Variants in SGCZ observed in about 807,000 individuals in gnomAD.
The protein encoded by SGCZ is sarcoglycan zeta.
In SGCZ, 40 loss-of-function variants were observed where a neutral mutation model predicts 41.3. The ratio of observed to expected loss-of-function variants is 0.97; its 90% CI spans 0.75 to 1.26. The LOEUF is 1.26. Ranked by LOEUF, SGCZ falls within the 50% of genes most tolerant of loss-of-function variation. The pLI is 0.00. For missense variants in SGCZ, 552 were observed against 369.8 expected (o/e 1.49, Z -4.04); for synonymous variants, 206 against 137.5 (o/e 1.50, Z -3.49).
At chr8:14,775,163 C>A (rs1310023694) in intron 1 of SGCZ, among the ~76,000 whole-genome samples, 2 of 152,158 alleles carry the variant, frequency 1.3e-5, no homozygotes, top group Admixed American at 1.3e-4. Flanking sequence ...TCAAACATTA[C>A]ATTACTGTGT....
chr8:14,186,998 T>C (rs1481676271), intron 4 of SGCZ, among the ~76,000 whole-genome samples: 1 of 152,136 alleles, frequency 6.6e-6, no homozygotes, highest in Non-Finnish European at 1.5e-5. Flanking sequence ...TTGAAAACAA[T>C]TGATAAACTC....
intron 1 of SGCZ, among the ~76,000 whole-genome samples, chr8:14,804,382 A>G (rs2130514230): frequency 7.7e-6 from 1 of 130,142 alleles, no homozygotes; most frequent in South Asian, 3.0e-4. Context: ...AGAAGTGCTT[A>G]AAGGAGCTGA....
rs146146092 is a variant in SGCZ, at chr8:14,364,164, A to G, written c.235-39960T>C. 9.6e-3 allele frequency among the ~76,000 whole-genome samples: 1,466 copies of G among 152,310 alleles called. 19 individuals carry two copies. The highest frequency in any genetic ancestry group is 0.021 in the African/African-American group (893 of 41,584). ...TATTTCTATGAAAATCCTATTTTTA[A>G]CACTAGTTGTTGAGATCATTCAATA... is the stretch of plus-strand genomic sequence containing the variant. On this transcript the variant is annotated intron_variant, in intron 2 of 7. Transcript: ENST00000382080.
At chr8:14,348,575 G>A (rs569684777) in intron 2 of SGCZ, among the ~76,000 whole-genome samples, 55 of 152,110 alleles carry the variant, frequency 3.6e-4, no homozygotes, top group African/African-American at 1.1e-3. Context: ...AGTGCCAGCC[G>A]AATGCTGGCA....
chr8:15,017,537 T>C (rs1803083176), intron 1 of SGCZ, among the ~76,000 whole-genome samples: 1 of 152,314 alleles, frequency 6.6e-6, no homozygotes, highest in Middle Eastern at 3.4e-3. Context: ...GGTCTTACTC[T>C]GTCACCCAGG....
At chr8:14,091,342 G>T (rs1366036494) in intron 7 of SGCZ, among the ~76,000 whole-genome samples, 1 of 151,784 alleles carries the variant, frequency 6.6e-6, no homozygotes, top group Non-Finnish European at 1.5e-5. Flanking sequence ...AATCCTTTGG[G>T]TATATACCCA....
At chr8:14,708,841 A>T (rs1490084913) in intron 1 of SGCZ, among the ~76,000 whole-genome samples, 1 of 65,080 alleles carries the variant, frequency 1.5e-5, no homozygotes, top group African/African-American at 6.5e-5. Context: ...GTGTGTGTGT[A>T]TTCAGCTTTA....
At chr8:14,213,746 T>G (rs982024852) in intron 4 of SGCZ, among the ~76,000 whole-genome samples, 2 of 152,086 alleles carry the variant, frequency 1.3e-5, no homozygotes, top group Non-Finnish European at 2.9e-5. Context: ...ATAAAATACT[T>G]AAGACTTAAA....
At position 14,090,511 on chromosome 8, in the gene SGCZ, G is replaced by C. The variant is rs371636241; in HGVS notation, c.871C>G (p.Leu291Val). 3 of 1,613,076 alleles carry C rather than the reference G, an allele frequency of 1.9e-6. No individual in the cohort carries two copies. The Admixed American group carries it at 5.0e-5, about 27-fold the overall frequency. Residue 291 changes from leucine to valine, a missense_variant, in exon 8 of 8, where the codon CTT (leucine) becomes GTT (valine). Coordinates refer to ENST00000382080, the MANE Select transcript of SGCZ (RefSeq NM_139167.4). ...CCTACTCCTGCTGGAGAAAGGTAAA[G>C]TTTGCCATTGGGGCAGACGCAGAGT... ...YELCVCPNGK[L>V]YLSPAGVGST...
intron 1 of SGCZ, among the ~76,000 whole-genome samples, chr8:14,904,510 C>G (rs570147659): frequency 6.6e-6 from 1 of 152,038 alleles, no homozygotes; most frequent in Non-Finnish European, 1.5e-5. Context: ...AAACTAGAAG[C>G]ATTTTACCTT....
At chr8:14,376,047 C>G (rs1031619860) in intron 2 of SGCZ, among the ~76,000 whole-genome samples, 1 of 152,194 alleles carries the variant, frequency 6.6e-6, no homozygotes, top group Admixed American at 6.5e-5. Context: ...GGCGAGGTGG[C>G]TCATGCCGGT....
In SGCZ at chr8:14,178,297, T is replaced by C. The variant is rs563981332; in HGVS notation, c.425-13595A>G. Among the ~76,000 whole-genome samples the C allele has an allele frequency of 3.3e-4, 50 of 152,320 alleles. 1 individual carries two copies. Among genetic ancestry groups the C allele is most frequent in the African/African-American group, 1.2e-3 (49 of 41,564 alleles). ...CAGTTCAGTCAGTTCTAGCTAAATG[T>C]AAATATTGAAACCATTTGAAGCTAA... On this transcript the variant is annotated intron_variant, in intron 4 of 7. Transcript: ENST00000382080.
intron 1 of SGCZ, among the ~76,000 whole-genome samples, chr8:14,606,195 T>C (rs1397279): frequency 0.32 from 49,207 of 152,006 alleles, 8,411 homozygotes; most frequent in East Asian, 0.62. Flanking sequence ...TTGTACATAT[T>C]GCCCCATGAC....
At chr8:14,162,612 T>A (rs1214229420) in intron 5 of SGCZ, 1 of 152,290 alleles carries the variant, frequency 6.6e-6, no homozygotes, top group Non-Finnish European at 1.5e-5. Flanking sequence ...GTACCCTCCG[T>A]ACGTGCCTCC....
At chr8:15,195,934 G>T (rs1323948407) in intron 1 of SGCZ, among the ~76,000 whole-genome samples, 1 of 97,132 alleles carries the variant, frequency 1.0e-5, no homozygotes, top group Non-Finnish European at 1.9e-5. Context: ...GTCTCGCTCT[G>T]TCGCCCAGGC....
intron 2 of SGCZ, among the ~76,000 whole-genome samples, chr8:14,353,590 C>G (rs998673178): frequency 9.9e-5 from 15 of 151,968 alleles, no homozygotes; most frequent in Non-Finnish European, 2.1e-4. Flanking sequence ...TGAGACTTAC[C>G]CTTGATGTCT....
chr8:14,207,310 A>G (rs1805647883), intron 4 of SGCZ, among the ~76,000 whole-genome samples: 1 of 152,230 alleles, frequency 6.6e-6, no homozygotes, highest in Non-Finnish European at 1.5e-5. Context: ...GATAAGATAA[A>G]TTAGAAGTAA....
intron 1 of SGCZ, among the ~76,000 whole-genome samples, chr8:14,867,662 C>T (rs1803982787): frequency 6.6e-6 from 1 of 152,002 alleles, no homozygotes; most frequent in Non-Finnish European, 1.5e-5. Flanking sequence ...CAAACTAACA[C>T]AGGAACAGAA....
intron 1 of SGCZ, among the ~76,000 whole-genome samples, chr8:14,639,708 G>T (rs893935295): frequency 2.0e-5 from 3 of 151,602 alleles, no homozygotes; most frequent in Non-Finnish European, 4.4e-5. Flanking sequence ...AAACATAAAT[G>T]TCCAGAGCTT....
Sources: allele counts gnomAD v4.1 joint callset (sites outside exome capture counted in the v4.1 genomes callset), GRCh38; gene constraint gnomAD v4.1.1; transcripts MANE v1.5; gene names NCBI Gene and HGNC (gene_info 2026-07-23, HGNC 2026-07-21).